TMEM45A: variants seen among roughly 807,000 people sequenced by gnomAD.
The protein encoded by TMEM45A is DNA polymerase-transactivated protein 4.
TMEM45A carries 25 observed loss-of-function variants against 32.0 expected under a neutral mutation model. The observed-to-expected ratio is 0.78, with a 90% CI of 0.57 to 1.09. The LOEUF (loss-of-function observed/expected upper bound fraction) is 1.09. TMEM45A is among the 50% of genes least tolerant of loss of function. The probability of loss-of-function intolerance (pLI) is 0.00; values close to 1 mark genes in which losing one functional copy is unlikely to be tolerated. For synonymous variants in TMEM45A, 122 were observed against 114.8 expected (o/e 1.06, Z -0.40); for missense variants, 302 against 325.0 (o/e 0.93, Z 0.54).
chr3:100,558,712 C>A (rs1706272495), intron 4 of TMEM45A, 123 bp downstream of exon 4: 2 of 1,002,406 alleles, frequency 2.0e-6, no homozygotes, highest in East Asian at 2.4e-5. Flanking sequence ...AGATCATGGG[C>A]CTCTGAGAAG....
chr3:100,547,452 G>C (rs1251626528), intron 1 of TMEM45A, among the ~76,000 whole-genome samples: 1 of 152,020 alleles, frequency 6.6e-6, no homozygotes, highest in Non-Finnish European at 1.5e-5. Context: ...AAGTAAGCTA[G>C]AGAAAAGAAA....
chr3:100,560,541 C>G (rs747383769), intron 4 of TMEM45A, among the ~76,000 whole-genome samples: 6 of 151,780 alleles, frequency 4.0e-5, no homozygotes, highest in Non-Finnish European at 8.8e-5. Context: ...TTATTTATTT[C>G]TAATGTAATT....
intron 4 of TMEM45A, among the ~76,000 whole-genome samples, chr3:100,567,020 A>T (rs1706455257): frequency 6.6e-6 from 1 of 151,874 alleles, no homozygotes; most frequent in African/African-American, 2.4e-5. Context: ...TCTTTGGTTG[A>T]TGGTGCTTTT....
intron 1 of TMEM45A, among the ~76,000 whole-genome samples, chr3:100,540,945 A>T (rs1162652887): frequency 6.6e-6 from 1 of 152,224 alleles, no homozygotes; most frequent in East Asian, 1.9e-4. Context: ...TCCCACCAGC[A>T]GTGTACAAGT....
chr3:100,504,512 G>C (rs1052021782), intron 1 of TMEM45A, among the ~76,000 whole-genome samples: 2 of 152,100 alleles, frequency 1.3e-5, no homozygotes, highest in African/African-American at 4.8e-5. Context: ...TTGTTTCCCT[G>C]GTTACACCCT....
intron 1 of TMEM45A, among the ~76,000 whole-genome samples, chr3:100,516,032 G>A (rs73152160): frequency 0.14 from 22,020 of 152,054 alleles, 2,026 homozygotes; most frequent in Middle Eastern, 0.21. Flanking sequence ...AATGTTTCAG[G>A]GGTGATAGAT....
intron 1 of TMEM45A, among the ~76,000 whole-genome samples, chr3:100,500,787 A>G (rs777043374): frequency 2.0e-5 from 3 of 152,192 alleles, no homozygotes; most frequent in Admixed American, 6.5e-5. Context: ...TTTCTCCTTC[A>G]AGAGAAATTT....
At chr3:100,573,621 A>G (rs1706618786) in intron 5 of TMEM45A, 1 of 152,136 alleles carries the variant, frequency 6.6e-6, no homozygotes. Flanking sequence ...TGCCCTGGCC[A>G]GAACTTCCAA....
At chr3:100,535,588 G>C (rs537955493) in intron 1 of TMEM45A, among the ~76,000 whole-genome samples, 2 of 152,166 alleles carry the variant, frequency 1.3e-5, no homozygotes, top group Non-Finnish European at 2.9e-5. Context: ...TGTCTAATTG[G>C]CCAGCTCTTT....
chr3:100,560,821 A>G (rs1377848401), intron 4 of TMEM45A, among the ~76,000 whole-genome samples: 1 of 152,256 alleles, frequency 6.6e-6, no homozygotes, highest in East Asian at 1.9e-4. Flanking sequence ...TTCAGTTAAT[A>G]ATGACTAATT....
chr3:100,570,093 A>T, intron 5 of TMEM45A, among the ~76,000 whole-genome samples: 1 of 152,228 alleles, frequency 6.6e-6, no homozygotes. Context: ...TACAATGTCT[A>T]ATATGGTAGT....
intron 1 of TMEM45A, among the ~76,000 whole-genome samples, chr3:100,544,470 A>G (rs575783653): frequency 6.6e-6 from 1 of 152,324 alleles, no homozygotes; most frequent in Non-Finnish European, 1.5e-5. Context: ...CGATCAATAT[A>G]TAGAATATTT....
chr3:100,563,081 G>T (rs567144935), intron 4 of TMEM45A, among the ~76,000 whole-genome samples: 1 of 152,324 alleles, frequency 6.6e-6, no homozygotes, highest in East Asian at 1.9e-4. Flanking sequence ...GGTGTTGGCA[G>T]GGTTGGTTTT....
intron 1 of TMEM45A, among the ~76,000 whole-genome samples, chr3:100,529,252 G>A (rs760417190): frequency 1.3e-5 from 2 of 152,220 alleles, no homozygotes; most frequent in Non-Finnish European, 2.9e-5. Context: ...GAAGGCAGTA[G>A]CATATGAGTT....
chr3:100,515,643 A>G (rs1401491878), intron 1 of TMEM45A, among the ~76,000 whole-genome samples: 2 of 149,932 alleles, frequency 1.3e-5, no homozygotes, highest in African/African-American at 5.1e-5. Flanking sequence ...AAAAAAAAAA[A>G]AGAAAAGAAC....
At chr3:100,532,350 T>C (rs1705661791) in intron 1 of TMEM45A, among the ~76,000 whole-genome samples, 2 of 152,208 alleles carry the variant, frequency 1.3e-5, no homozygotes, top group South Asian at 4.1e-4. Flanking sequence ...AGGCTGTACC[T>C]ACACATTACT....
intron 5 of TMEM45A, 40 bp from the exon 6 acceptor site, chr3:100,576,885 T>C (rs1453420309): frequency 6.7e-7 from 1 of 1,499,626 alleles, no homozygotes; most frequent in African/African-American, 1.4e-5. Flanking sequence ...GTTTCTATTT[T>C]AAAAACCGTC....
chr3:100,508,280 A>T (rs1167611600), intron 1 of TMEM45A, among the ~76,000 whole-genome samples: 1 of 152,060 alleles, frequency 6.6e-6, no homozygotes, highest in Non-Finnish European at 1.5e-5. Flanking sequence ...ATAGCCCAAG[A>T]CTGAAGCAAC....
intron 5 of TMEM45A, among the ~76,000 whole-genome samples, chr3:100,569,938 A>G (rs1301285683): frequency 6.6e-6 from 1 of 152,218 alleles, no homozygotes; most frequent in African/African-American, 2.4e-5. Context: ...AAGGATGAGC[A>G]GGAATAGAAA....
Sources: gnomAD v4.1 joint callset for allele counts (sites outside exome capture counted in the v4.1 genomes callset) on GRCh38, gnomAD v4.1.1 for gene constraint, MANE v1.5 for transcripts, NCBI Gene and HGNC (gene_info 2026-07-23, HGNC 2026-07-21) for gene names.